Variants in RASAL2 observed in about 807,000 individuals in gnomAD.
The protein encoded by RASAL2 is RAS protein activator like 2.
A neutral mutation model predicts 128.9 loss-of-function variants in RASAL2; 58 were observed. The ratio of observed to expected loss-of-function variants is 0.45; its 90% CI spans 0.36 to 0.56. The LOEUF (loss-of-function observed/expected upper bound fraction) is 0.56. Ranked by LOEUF, RASAL2 falls within the 20% of genes least tolerant of loss-of-function variation. The probability of loss-of-function intolerance (pLI) is 0.00; values close to 1 mark genes in which losing one functional copy is unlikely to be tolerated. For synonymous variants in RASAL2, 561 were observed against 580.8 expected (o/e 0.97, Z 0.49); for missense variants, 1,360 against 1,601.6 (o/e 0.85, Z 2.57).
At chr1:178,251,074 A>G (rs1410738839) in intron 1 of RASAL2, among the ~76,000 whole-genome samples, 3 of 152,180 alleles carry the variant, frequency 2.0e-5, no homozygotes, top group African/African-American at 7.2e-5. Flanking sequence ...TTTGTAGGAA[A>G]CTAAGAATCA....
At chr1:178,101,106 C>T (rs1658880925) in intron 1 of RASAL2, among the ~76,000 whole-genome samples, 1 of 152,100 alleles carries the variant, frequency 6.6e-6, no homozygotes, top group Non-Finnish European at 1.5e-5. Context: ...AGTGAGAGGG[C>T]AGCCCATCAA....
chr1:178,450,980 A>C (rs984059397), intron 9 of RASAL2, among the ~76,000 whole-genome samples: 1 of 152,318 alleles, frequency 6.6e-6, no homozygotes, highest in South Asian at 2.1e-4. Flanking sequence ...CATAGAGCAT[A>C]GGCCGTATGA....
rs1438854460 is a variant in RASAL2 at position 178,473,069 on chromosome 1, T to C, written c.3679-6T>C. ...CCTGAATAAAGCCATGATTGGTGTG[T>C]TGTAGGAAAAACGGATCGTGTCCCT... On this transcript the variant is annotated splice_region_variant and splice_polypyrimidine_tract_variant and intron_variant, in intron 17 of 17. Coordinates refer to ENST00000367649, the MANE Select transcript of RASAL2 (RefSeq NM_170692.4). 5 of 1,613,938 alleles carry C rather than the reference T, an allele frequency of 3.1e-6. No individual in the cohort carries two copies. Among genetic ancestry groups the C allele is most frequent in the African/African-American group, 1.3e-5 (1 of 74,900 alleles).
rs763142831 is a variant in RASAL2 at position 178,473,288 on chromosome 1, A to G, written c.*49A>G. 1.2e-6 allele frequency: 2 copies of G among 1,604,498 alleles called. No homozygotes were observed. The highest frequency in any genetic ancestry group is 1.3e-5 in the African/African-American group (1 of 74,814). On this transcript the variant is annotated 3_prime_UTR_variant, in exon 18 of 18. Coordinates refer to ENST00000367649, the MANE Select transcript of RASAL2 (RefSeq NM_170692.4). ...CAGAAGGAAATTGACCCACTCTCCT[A>G]TCTCCAGACCTTTACCTAGCCCCTC...
At chr1:178,469,768 A>G (rs920686345) in intron 17 of RASAL2, among the ~76,000 whole-genome samples, 1 of 152,216 alleles carries the variant, frequency 6.6e-6, no homozygotes, top group Non-Finnish European at 1.5e-5. Context: ...AGCAAGGACC[A>G]CACTCTCAAC....
At chr1:178,356,068 C>T (rs897194086) in intron 3 of RASAL2, among the ~76,000 whole-genome samples, 3 of 150,462 alleles carry the variant, frequency 2.0e-5, no homozygotes, top group Non-Finnish European at 4.4e-5. Context: ...ACCTGGGAGG[C>T]TGAGGCAGAG....
chr1:178,318,667 T>G (rs1233681020), intron 3 of RASAL2, among the ~76,000 whole-genome samples: 1 of 151,730 alleles, frequency 6.6e-6, no homozygotes, highest in Admixed American at 6.6e-5. Context: ...TCCATCCTTT[T>G]ATTTTGAGCC....
At chr1:178,193,055 C>T (rs1032951234) in intron 1 of RASAL2, among the ~76,000 whole-genome samples, 15 of 152,062 alleles carry the variant, frequency 9.9e-5, no homozygotes, top group Non-Finnish European at 2.1e-4. Context: ...CAAATTTTTA[C>T]ATAGCGAAAC....
chr1:178,257,771 G>C (rs1024248578), intron 1 of RASAL2, among the ~76,000 whole-genome samples: 1 of 150,286 alleles, frequency 6.7e-6, no homozygotes, highest in Non-Finnish European at 1.5e-5. Context: ...GAGCCCGTGA[G>C]TTGAGGCTGC....
In RASAL2 at chr1:178,441,736, G is replaced by A. The variant is rs977408813; in HGVS notation, c.927+89G>A. The A allele has an allele frequency of 9.3e-6, 9 of 966,834 alleles. No individual in the cohort carries two copies. The Admixed American group carries it at 1.3e-4, about 14-fold the overall frequency. The allele number at this position is 966,834 out of a possible 1,614,324, so 59.9% of individuals were successfully genotyped here. A position where few individuals can be genotyped will look rare whatever the true frequency, so the allele number is the denominator to read the frequency against. ...AAGTGTGGTAGTAATACCTTAATTT[G>A]TCTATAGCTTGAGAGTTTTAAAGCA... On this transcript the variant is annotated intron_variant, in intron 7 of 17. Coordinates refer to ENST00000367649, the MANE Select transcript of RASAL2 (RefSeq NM_170692.4).
chr1:178,321,536 C>T (rs1054764595), intron 3 of RASAL2, among the ~76,000 whole-genome samples: 2 of 151,398 alleles, frequency 1.3e-5, no homozygotes, highest in African/African-American at 4.9e-5. Context: ...GCTGGTGTCT[C>T]GCTTTGTGGC....
chr1:178,226,577 A>T (rs1403194519), intron 1 of RASAL2, among the ~76,000 whole-genome samples: 1 of 152,190 alleles, frequency 6.6e-6, no homozygotes, highest in Non-Finnish European at 1.5e-5. Flanking sequence ...ATATTAAGGA[A>T]AAATTTAAGC....
chr1:178,172,483 G>C (rs184077867), intron 1 of RASAL2, among the ~76,000 whole-genome samples: 1 of 152,086 alleles, frequency 6.6e-6, no homozygotes, highest in East Asian at 1.9e-4. Context: ...CTAGATCAGT[G>C]GTTCTCAATC....
intron 17 of RASAL2, chr1:178,470,817 C>A: frequency 1.9e-6 from 2 of 1,047,138 alleles, no homozygotes; most frequent in South Asian, 1.3e-5. Context: ...TGCCACTCCC[C>A]ACATGGGAAT....
chr1:178,336,188 CT>C (rs149853262), intron 3 of RASAL2, among the ~76,000 whole-genome samples: 169 of 143,334 alleles, frequency 1.2e-3, no homozygotes, highest in Admixed American at 1.1e-3. Context: ...CTTTTTCTTC[CT>C]TTTTTTTTTT....
chr1:178,253,326 G>T (rs931274037), intron 1 of RASAL2, among the ~76,000 whole-genome samples: 1 of 151,952 alleles, frequency 6.6e-6, no homozygotes, highest in Non-Finnish European at 1.5e-5. Flanking sequence ...ACTTAATTAC[G>T]TCTGCAATGA....
chr1:178,384,803 A>T (rs1672468187), intron 3 of RASAL2, among the ~76,000 whole-genome samples: 1 of 152,110 alleles, frequency 6.6e-6, no homozygotes, highest in Admixed American at 6.6e-5. Context: ...TTAAAAGAAA[A>T]AAAATTTAAA....
chr1:178,262,608 C>A (rs1182220819), intron 1 of RASAL2, among the ~76,000 whole-genome samples: 1 of 152,112 alleles, frequency 6.6e-6, no homozygotes, highest in Admixed American at 6.6e-5. Context: ...AGTATATACA[C>A]ATTTTTGTAC....
chr1:178,346,721 C>CCATT (rs1332651448), intron 3 of RASAL2, among the ~76,000 whole-genome samples: 2 of 152,134 alleles, frequency 1.3e-5, no homozygotes, highest in Non-Finnish European at 2.9e-5. Context: ...AAACACCTTA[C>CCATT]CATTCTCTTC....
Sources: allele counts gnomAD v4.1 joint callset (sites outside exome capture counted in the v4.1 genomes callset), GRCh38; gene constraint gnomAD v4.1.1; transcripts MANE v1.5; gene names NCBI Gene and HGNC (gene_info 2026-07-23, HGNC 2026-07-21).